Variants in CENPP observed in about 807,000 individuals in gnomAD.
CENPP encodes the protein centromere protein P.
CENPP carries 24 observed loss-of-function variants against 35.6 expected under a neutral mutation model. The observed-to-expected ratio is 0.67, with a 90% CI of 0.49 to 0.95. The LOEUF (loss-of-function observed/expected upper bound fraction) is 0.95, where lower values mean the gene tolerates loss of function less well. Among genes scored for constraint, CENPP ranks in the 40% least tolerant of loss-of-function variants. CENPP has a pLI of 0.00. For synonymous variants in CENPP, 120 were observed against 125.5 expected (o/e 0.96, Z 0.29); for missense variants, 332 against 345.3 (o/e 0.96, Z 0.31).
chr9:92,465,328 G>A (rs543257008), intron 5 of CENPP, among the ~76,000 whole-genome samples: 180 of 152,282 alleles, frequency 1.2e-3, no homozygotes, highest in African/African-American at 3.9e-3. Context: ...TTAAGGTTTT[G>A]TTATTGTAAT....
intron 5 of CENPP, among the ~76,000 whole-genome samples, chr9:92,509,047 A>G (rs1847178756): frequency 6.6e-6 from 1 of 151,834 alleles, no homozygotes; most frequent in South Asian, 2.1e-4. Flanking sequence ...AGCCTCTTCT[A>G]TACAGAGTCA....
intron 5 of CENPP, among the ~76,000 whole-genome samples, chr9:92,521,383 GT>G (rs1263074322): frequency 1.3e-5 from 2 of 152,062 alleles, no homozygotes; most frequent in East Asian, 3.8e-4. Flanking sequence ...TTATTACAAT[GT>G]TTTTAAGTTG....
At chr9:92,550,603 C>T (rs200315774) in intron 5 of CENPP, among the ~76,000 whole-genome samples, 1 of 151,094 alleles carries the variant, frequency 6.6e-6, no homozygotes, top group East Asian at 1.9e-4. Flanking sequence ...AATATTCAGT[C>T]CAGGAGGCTG....
At chr9:92,490,584 C>G (rs778943370) in intron 5 of CENPP, among the ~76,000 whole-genome samples, 2 of 152,064 alleles carry the variant, frequency 1.3e-5, no homozygotes, top group Admixed American at 6.6e-5. Context: ...TTTACTCCGC[C>G]CTTTGGAAGT....
intron 5 of CENPP, among the ~76,000 whole-genome samples, chr9:92,592,123 G>A (rs752011538): frequency 6.6e-6 from 1 of 151,812 alleles, no homozygotes; most frequent in Non-Finnish European, 1.5e-5. Context: ...ACTTATACAT[G>A]TATAAATATA....
At chr9:92,507,195 G>T (rs1391531659) in intron 5 of CENPP, among the ~76,000 whole-genome samples, 1 of 152,184 alleles carries the variant, frequency 6.6e-6, no homozygotes, top group Non-Finnish European at 1.5e-5. Context: ...TGGTGCTCAG[G>T]ATTAATGGAA....
chr9:92,334,618 G>A (rs577172873), intron 2 of CENPP, among the ~76,000 whole-genome samples: 2 of 152,228 alleles, frequency 1.3e-5, no homozygotes, highest in Admixed American at 6.5e-5. Context: ...AGTGGCTCAC[G>A]CCTGTAATGC....
rs905304675 is a variant in CENPP at position 92,375,833 on chromosome 9, CAGG to C, written c.468-3927_468-3925del. Reference sequence around the variant, plus strand: ...CCTAGTAATTCCCCTAGTCATTCAACAGGAGAAGTTTCTGTTAATTTCTTTTTT... The same window carrying C: ...CCTAGTAATTCCCCTAGTCATTCAACAGAAGTTTCTGTTAATTTCTTTTTT... On this transcript the variant is annotated intron_variant, in intron 4 of 7. Coordinates refer to ENST00000375587, the MANE Select transcript of CENPP (RefSeq NM_001012267.3). Among the ~76,000 whole-genome samples the C allele has an allele frequency of 4.1e-5, 6 of 147,930 alleles. No homozygotes were observed. In the South Asian group the frequency reaches 6.4e-4, roughly 16 times the overall value.
chr9:92,529,838 C>T (rs1848639835), intron 5 of CENPP, among the ~76,000 whole-genome samples: 1 of 152,124 alleles, frequency 6.6e-6, no homozygotes, highest in South Asian at 2.1e-4. Flanking sequence ...ATTCTTAGGG[C>T]AGTGAAACTC....
At chr9:92,450,738 C>A (rs1055565711) in intron 5 of CENPP, among the ~76,000 whole-genome samples, 5 of 151,962 alleles carry the variant, frequency 3.3e-5, no homozygotes, top group African/African-American at 1.2e-4. Flanking sequence ...CCTATTTCTC[C>A]ACATCCTCTC....
At chr9:92,598,620 A>T (rs1850836039) in intron 5 of CENPP, among the ~76,000 whole-genome samples, 1 of 152,164 alleles carries the variant, frequency 6.6e-6, no homozygotes, top group Admixed American at 6.5e-5. Context: ...GCCTGTCCAC[A>T]TGGCCAGCTC....
chr9:92,424,305 T>G (rs1843901788), intron 5 of CENPP: 1 of 152,216 alleles, frequency 6.6e-6, no homozygotes, highest in Non-Finnish European at 1.5e-5. Context: ...AAATCCACAG[T>G]AACTCTGTGT....
Position 92,475,974 on chromosome 9 carries a change from C to T in CENPP, c.564+96115C>T. ...ACATATCCTAATTTTTAAATTATTA[C>T]CTGTGAAATGTGTATATTCTTTGAA... is the stretch of plus-strand genomic sequence containing the variant. On this transcript the variant is annotated intron_variant, in intron 5 of 7. Coordinates refer to ENST00000375587, the MANE Select transcript of CENPP (RefSeq NM_001012267.3). 2.0e-5 allele frequency among the ~76,000 whole-genome samples: 3 copies of T among 152,180 alleles called. No homozygotes were observed. In the South Asian group the frequency reaches 6.2e-4, roughly 32 times the overall value.
chr9:92,373,245 A>G (rs933287443), intron 4 of CENPP, among the ~76,000 whole-genome samples: 7 of 152,052 alleles, frequency 4.6e-5, no homozygotes, highest in Non-Finnish European at 1.0e-4. Context: ...TAACATAGTG[A>G]GACCCCATGT....
intron 5 of CENPP, among the ~76,000 whole-genome samples, chr9:92,500,249 C>A (rs1261735252): frequency 6.6e-6 from 1 of 152,120 alleles, no homozygotes; most frequent in African/African-American, 2.4e-5. Flanking sequence ...GTGGCACCAT[C>A]CCGGCTCACT....
rs1851537909 is a variant in CENPP at position 92,619,038 on chromosome 9, G to A, written c.*5889G>A. 1 of 228,200 alleles carries A rather than the reference G, an allele frequency of 4.4e-6. No individual in the cohort carries two copies. 14.1% of individuals were successfully genotyped at this position (228,200 alleles called of 1,614,324 possible). On this transcript the variant is annotated 3_prime_UTR_variant, in exon 8 of 8. Coordinates refer to ENST00000375587, the MANE Select transcript of CENPP (RefSeq NM_001012267.3). ...ATAGGCTGGTTATTCAGAAGAGGAA[G>A]CAGAATGAATGCGCGCCTCACAGGC...
chr9:92,453,555 G>A (rs1028439949), intron 5 of CENPP, among the ~76,000 whole-genome samples: 1 of 152,036 alleles, frequency 6.6e-6, no homozygotes, highest in African/African-American at 2.4e-5. Flanking sequence ...GTGGTGTGGT[G>A]CTGAAAAAAA....
At chr9:92,496,887 A>G (rs1170363122) in intron 5 of CENPP, among the ~76,000 whole-genome samples, 2 of 152,174 alleles carry the variant, frequency 1.3e-5, no homozygotes, top group Non-Finnish European at 2.9e-5. Flanking sequence ...CATTCAGAAG[A>G]GAAATGTAAA....
rs114087903 is a variant in CENPP, at chr9:92,613,466, C to T, written c.*317C>T. On this transcript the variant is annotated 3_prime_UTR_variant, in exon 8 of 8. Transcript: ENST00000375587. ...TCCCCCACCCACTGCAGCCTCACAC[C>T]GAGTCCACCTTGGACATGGTGGCCA... 2,394 of 303,036 alleles carry T rather than the reference C, an allele frequency of 7.9e-3. 66 individuals are homozygous for T. The highest frequency in any genetic ancestry group is 0.048 in the African/African-American group (2,224 of 46,348). The allele number at this position is 303,036 out of a possible 1,614,324, so 18.8% of individuals were successfully genotyped here. A position where few individuals can be genotyped will look rare whatever the true frequency, so the allele number is the denominator to read the frequency against.
Sources: gnomAD v4.1 joint callset for allele counts (sites outside exome capture counted in the v4.1 genomes callset) on GRCh38, gnomAD v4.1.1 for gene constraint, MANE v1.5 for transcripts, NCBI Gene and HGNC (gene_info 2026-07-23, HGNC 2026-07-21) for gene names.